The following EXTL3 variants were observed in gnomAD, a reference collection of about 807,000 sequenced individuals.
EXTL3 encodes the protein exostosin like glycosyltransferase 3, also known as exostosin-like 3.
A neutral mutation model predicts 69.3 loss-of-function variants in EXTL3; 27 were observed. The observed-to-expected ratio is 0.39, with a 90% CI of 0.29 to 0.54. EXTL3 has a LOEUF of 0.54. Ranked by LOEUF, EXTL3 falls within the 20% of genes least tolerant of loss-of-function variation. EXTL3 has a pLI of 0.69. For synonymous variants in EXTL3, 511 were observed against 499.4 expected (o/e 1.02, Z -0.31); for missense variants, 1,003 against 1,231.8 (o/e 0.81, Z 2.78).
intron 1 of EXTL3, among the ~76,000 whole-genome samples, chr8:28,660,113 AG>A (rs1367991382): frequency 1.3e-5 from 2 of 152,238 alleles, no homozygotes; most frequent in Non-Finnish European, 2.9e-5. Context: ...CTGTAATCCC[AG>A]TGCTTTGGGA....
chr8:28,717,534 A>G lies in EXTL3; in HGVS notation c.1475A>G (p.Glu492Gly). 6.2e-7 allele frequency: 1 copy of G among 1,614,130 alleles called. No individual in the cohort carries two copies. ...ALVVPKPRVT[E>G]VHFLLRSLSD... ...GTGGTGCCAAAGCCTCGTGTTACCG[A>G]GGTTCATTTCCTGCTCAGAAGCCTC... Residue 492 changes from glutamate to glycine, a missense_variant, in exon 3 of 7, where the codon GAG becomes GGG. Glu to Gly is a moderately conservative substitution (Grantham distance 98). Transcript: ENST00000220562. The surrounding 1 kb of genome is among the most constrained non-coding windows in gnomAD (Gnocchi z 8.3).
chr8:28,620,020 G>T (rs1389209070), upstream of EXTL3, among the ~76,000 whole-genome samples: 1 of 151,574 alleles, frequency 6.6e-6, no homozygotes, highest in Non-Finnish European at 1.5e-5. Context: ...ACAGGCGCCT[G>T]CCACCATGCC....
rs200494893 is a variant in EXTL3 at position 28,717,738 on chromosome 8, C to T, written c.1679C>T (p.Ala560Val). 596 of 1,614,252 alleles carry T rather than the reference C, an allele frequency of 3.7e-4. No homozygotes were observed. The highest frequency in any genetic ancestry group is 1.1e-3 in the Admixed American group (64 of 60,032). The change falls in exon 3 of 7, where the codon GCG becomes GTG. Residue 560 changes from alanine to valine, a missense_variant. Transcript: ENST00000220562. This position sits in a 1 kb window ranked among gnomAD's most constrained non-coding sequence, Gnocchi z 8.3. ...GAGATCCCCCACCGTTCAGGCAAGGCGGCTGGAACTGACCCCAACATGGCT... is the reference window on the plus strand; with the variant it reads ...GAGATCCCCCACCGTTCAGGCAAGGTGGCTGGAACTGACCCCAACATGGCT... ...AAEIPHRSGK[A>V]AGTDPNMADN...
intron 5 of EXTL3, 51 bp downstream of exon 5, chr8:28,737,714 T>C (rs1310803470): frequency 2.5e-6 from 4 of 1,598,584 alleles, no homozygotes; most frequent in Non-Finnish European, 3.4e-6. Flanking sequence ...GTTTCACCTT[T>C]GTGTGGTAGC....
At position 28,716,870 on chromosome 8, in the gene EXTL3, C is replaced by G; in HGVS notation, c.811C>G (p.His271Asp). 2 of 1,614,164 alleles carry G rather than the reference C, an allele frequency of 1.2e-6. No homozygotes were observed. The highest frequency in any genetic ancestry group is 1.1e-5 in the South Asian group (1 of 91,084). Residue 271 changes from histidine to aspartate, a missense_variant, in exon 3 of 7, where the codon CAC (histidine) becomes GAC (aspartate). His to Asp is a moderately conservative substitution (Grantham distance 81, BLOSUM62 -1). Transcript: ENST00000220562. This position sits in a 1 kb window ranked among gnomAD's most constrained non-coding sequence, Gnocchi z 7.1. ...CCTGCCACACTGGCGGACGGATGGACACAACCATGTCATCATCAATCTGTC... is the reference window on the plus strand; with the variant it reads ...CCTGCCACACTGGCGGACGGATGGAGACAACCATGTCATCATCAATCTGTC... ...YSLPHWRTDG[H>D]NHVIINLSRK...
chr8:28,647,302 A>G (rs546436410), intron 1 of EXTL3, among the ~76,000 whole-genome samples: 12 of 152,004 alleles, frequency 7.9e-5, no homozygotes, highest in African/African-American at 2.9e-4. Context: ...CGGGGGTTTC[A>G]CCATGTTGTC....
At chr8:28,618,680 T>C (rs755961156), upstream of EXTL3, among the ~76,000 whole-genome samples, 2 of 151,874 alleles carry the variant, frequency 1.3e-5, no homozygotes, top group Non-Finnish European at 2.9e-5. Flanking sequence ...CTGAGAACAG[T>C]GGTGAAAGCA....
At chr8:28,697,683 T>C (rs781001613), upstream of EXTL3, 1 of 151,888 alleles carries the variant, frequency 6.6e-6, no homozygotes, top group Non-Finnish European at 1.5e-5. Context: ...AAAAATAAAT[T>C]AGCTGGGCAT....
At chr8:28,734,729 C>T (rs1281992888) in intron 4 of EXTL3, among the ~76,000 whole-genome samples, 1 of 151,796 alleles carries the variant, frequency 6.6e-6, no homozygotes, top group Non-Finnish European at 1.5e-5. Flanking sequence ...ACAAAAAAAA[C>T]ACTGGAGTAG....
At chr8:28,622,747 G>T (rs114692041) in exon 1 of EXTL3, 17,603 of 151,626 alleles carry the variant, frequency 0.12, 2,946 homozygotes, top group African/African-American at 0.37. Context: ...GGGCCGGGCC[G>T]CTGGCGCTGT....
chr8:28,717,790 A>G lies in EXTL3; in HGVS notation c.1731A>G (p.Pro577=). The change falls in exon 3 of 7, where the codon CCA becomes CCG. Residue 577 remains proline, a synonymous_variant. Transcript: ENST00000220562. The surrounding 1 kb of genome is among the most constrained non-coding windows in gnomAD (Gnocchi z 8.3). ...ACAACGGGGACCTGGACCTGGGGCCAGTGGAGACGGAGCCGCCCTACGCCT... is the reference window on the plus strand; with the variant it reads ...ACAACGGGGACCTGGACCTGGGGCCGGTGGAGACGGAGCCGCCCTACGCCT... ...MADNGDLDLG[P]VETEPPYASP... is the part of the protein sequence containing the mutation. The G allele has an allele frequency of 1.2e-6, 2 of 1,613,494 alleles. No homozygotes were observed. Among genetic ancestry groups the G allele is most frequent in the Non-Finnish European group, 1.7e-6 (2 of 1,179,478 alleles).
At position 28,717,223 on chromosome 8, in the gene EXTL3, C is replaced by T. The variant is rs1396026233; in HGVS notation, c.1164C>T (p.Asp388=). Residue 388 remains aspartate, a synonymous_variant, in exon 3 of 7, where the codon GAC becomes GAT. Coordinates refer to ENST00000220562, the MANE Select transcript of EXTL3 (RefSeq NM_001440.4). This position sits in a 1 kb window ranked among gnomAD's most constrained non-coding sequence, Gnocchi z 8.3. ...TTGCCACCCTGAAGGCGGTGCAGGA[C>T]AGCAAGCTGGATCAGGTCCTGGTGG... ...RIIATLKAVQ[D]SKLDQVLVEF... 6.2e-7 allele frequency: 1 copy of T among 1,614,232 alleles called. No individual in the cohort carries two copies. The highest frequency in any genetic ancestry group is 8.5e-7 in the Non-Finnish European group (1 of 1,180,044).
chr8:28,652,043 G>GTC (rs1211099772), intron 1 of EXTL3, among the ~76,000 whole-genome samples: 2 of 151,884 alleles, frequency 1.3e-5, no homozygotes, highest in African/African-American at 4.8e-5. Flanking sequence ...GTGTGTCTGT[G>GTC]TGTGTGTGTG....
At position 28,675,789 on chromosome 8, in the gene EXTL3, A is replaced by G. The variant is rs531673610; in HGVS notation, c.-52-37668A>G. 2.0e-5 allele frequency among the ~76,000 whole-genome samples: 3 copies of G among 152,306 alleles called. No homozygotes were observed. In the East Asian group the frequency reaches 5.8e-4, roughly 29 times the overall value. The stretch of plus-strand genomic sequence containing the variant: ...GTAATCCCAGCACTTTGGGAGGCCA[A>G]GGCGGTCAGATCACTTGAGGTCAGG... On this transcript the variant is annotated intron_variant, in intron 1 of 6. Coordinates refer to the EXTL3 transcript ENST00000523149.
At position 28,717,777 on chromosome 8, in the gene EXTL3, T is replaced by G; in HGVS notation, c.1718T>G (p.Leu573Arg). 1 of 1,613,852 alleles carries G rather than the reference T, an allele frequency of 6.2e-7. No individual in the cohort carries two copies. Among genetic ancestry groups the G allele is most frequent in the Non-Finnish European group, 8.5e-7 (1 of 1,179,752 alleles). ...TDPNMADNGDLDLGPVETEPP... is the reference protein window; with the variant it reads ...TDPNMADNGDRDLGPVETEPP... ...CCCAACATGGCTGACAACGGGGACC[T>G]GGACCTGGGGCCAGTGGAGACGGAG... The change falls in exon 3 of 7, where the codon CTG becomes CGG. Residue 573 changes from leucine to arginine, a missense_variant. This residue lies in a region of EXTL3 where 742 missense variants were observed against 815.4 expected (regional missense o/e 0.91). Coordinates refer to ENST00000220562, the MANE Select transcript of EXTL3 (RefSeq NM_001440.4). This position sits in a 1 kb window ranked among gnomAD's most constrained non-coding sequence, Gnocchi z 8.3.
chr8:28,754,453 A>C lies in EXTL3; in HGVS notation c.*3587A>C, dbSNP rs1802076315. 1 of 152,346 alleles carries C rather than the reference A, an allele frequency of 6.6e-6. No individual in the cohort carries two copies. Among genetic ancestry groups the C allele is most frequent in the Non-Finnish European group, 1.5e-5 (1 of 68,084 alleles). The allele number at this position is 152,346 out of a possible 1,614,324, so 9.4% of individuals were successfully genotyped here. A position where few individuals can be genotyped will look rare whatever the true frequency, so the allele number is the denominator to read the frequency against. The stretch of plus-strand genomic sequence containing the variant: ...CCTCAAGTGGGGTTCACGACTGATC[A>C]GGCAAGTTTGCAGCAGCTGATGGGT... On this transcript the variant is annotated 3_prime_UTR_variant, in exon 7 of 7. Coordinates refer to ENST00000220562, the MANE Select transcript of EXTL3 (RefSeq NM_001440.4).
At chr8:28,711,095 T>C (rs1222451008) in intron 1 of EXTL3, among the ~76,000 whole-genome samples, 2 of 152,240 alleles carry the variant, frequency 1.3e-5, no homozygotes, top group African/African-American at 4.8e-5. Context: ...TTGGATGAGT[T>C]GTGGTACTTT....
intron 3 of EXTL3, among the ~76,000 whole-genome samples, chr8:28,719,144 A>G (rs1399047379): frequency 6.6e-6 from 1 of 152,170 alleles, no homozygotes; most frequent in Non-Finnish European, 1.5e-5. Context: ...TAAAAAATGT[A>G]CTTCACTGGG....
intron 4 of EXTL3, among the ~76,000 whole-genome samples, chr8:28,735,612 G>A (rs1396182624): frequency 6.6e-6 from 1 of 151,954 alleles, no homozygotes; most frequent in Admixed American, 6.6e-5. Flanking sequence ...CATGCATTTG[G>A]GCATCCTTTG....
Sources: allele counts gnomAD v4.1 joint callset (sites outside exome capture counted in the v4.1 genomes callset), GRCh38; gene constraint gnomAD v4.1.1; regional missense constraint gnomAD v4.1.1; non-coding constraint Gnocchi (gnomAD v3.1); transcripts MANE v1.5; gene names NCBI Gene and HGNC (gene_info 2026-07-23, HGNC 2026-07-21).